Variants in NHERF2 observed in about 807,000 individuals in gnomAD.
The protein encoded by NHERF2 is NHERF family PDZ scaffold protein 2.
chr16:2,035,883 T>G, the NHERF2 span: 1 of 190,902 alleles, frequency 5.2e-6, no homozygotes, highest in Non-Finnish European at 9.9e-6. Context: ...CGGAGGCCTC[T>G]GGAGAGAAAA....
chr16:2,036,965 G>A, the NHERF2 span: 14,871 of 1,554,036 alleles, frequency 9.6e-3, 87 homozygotes, highest in Non-Finnish European at 0.011. Context: ...GTCCTCTGCC[G>A]TCACCCGTCA....
chr16:2,027,097 G>T, the NHERF2 span: 2 of 1,463,832 alleles, frequency 1.4e-6, no homozygotes, highest in South Asian at 2.6e-5. Context: ...GAGAAGGGCC[G>T]CCGCGGGCAG....
At chr16:2,037,433 G>T in the NHERF2 span, 2 of 1,110,808 alleles carry the variant, frequency 1.8e-6, no homozygotes, top group South Asian at 1.3e-5. Flanking sequence ...GCCCCCTGCC[G>T]AGTGGAGGAG....
the NHERF2 span, chr16:2,036,452 G>A: frequency 2.7e-4 from 434 of 1,603,536 alleles, no homozygotes; most frequent in Non-Finnish European, 3.0e-4. Context: ...CTGTGGACCC[G>A]GGCTCACCTG....
At chr16:2,037,848 A>C in the NHERF2 span, 1 of 1,596,008 alleles carries the variant, frequency 6.3e-7, no homozygotes, top group Non-Finnish European at 8.5e-7. Context: ...TGGAAGCAAG[A>C]TCCCTTCCAG....
chr16:2,035,801 G>A, the NHERF2 span: 2 of 534,218 alleles, frequency 3.7e-6, no homozygotes, highest in East Asian at 1.5e-4. Flanking sequence ...TGCTTGCTGG[G>A]CCCACGGGGG....
At chr16:2,038,423 T>TC in the NHERF2 span, 1 of 245,968 alleles carries the variant, frequency 4.1e-6, no homozygotes. Context: ...CCCTCCCCCT[T>TC]CCCCTCCCCC....
chr16:2,033,061 C>T, the NHERF2 span: 1 of 1,305,502 alleles, frequency 7.7e-7, no homozygotes, highest in Non-Finnish European at 9.8e-7. Flanking sequence ...CCTCCCTGTC[C>T]CCTCAGCCCT....
At chr16:2,028,971 C>T in the NHERF2 span, among the ~76,000 whole-genome samples, 8 of 152,120 alleles carry the variant, frequency 5.3e-5, no homozygotes, top group African/African-American at 7.2e-5. Flanking sequence ...TGTGGGTGCC[C>T]GAGCCAGGAG....
At chr16:2,033,726 C>T in the NHERF2 span, among the ~76,000 whole-genome samples, 245 of 152,138 alleles carry the variant, frequency 1.6e-3, no homozygotes, top group African/African-American at 4.9e-3. Flanking sequence ...GAGGGCCTGG[C>T]GGGAGGCGGC....
chr16:2,036,510 G>A, the NHERF2 span: 3 of 1,575,140 alleles, frequency 1.9e-6, no homozygotes, highest in South Asian at 1.2e-5. Flanking sequence ...TGAGGTACCG[G>A]CCCACCAGGG....
At chr16:2,036,226 C>T in the NHERF2 span, 14 of 1,263,256 alleles carry the variant, frequency 1.1e-5, no homozygotes, top group Non-Finnish European at 1.4e-5. Context: ...CCGTGGGGGG[C>T]ACGGTACCGA....
At chr16:2,036,560 G>A in the NHERF2 span, 40 of 1,533,910 alleles carry the variant, frequency 2.6e-5, no homozygotes, top group Non-Finnish European at 3.1e-5. Context: ...CCACACTGGG[G>A]CCCTGGGTCC....
At chr16:2,033,675 T>C in the NHERF2 span, among the ~76,000 whole-genome samples, 1 of 152,116 alleles carries the variant, frequency 6.6e-6, no homozygotes, top group African/African-American at 2.4e-5. Flanking sequence ...AGCTCTGTGC[T>C]GGCCGCCGGC....
the NHERF2 span, among the ~76,000 whole-genome samples, chr16:2,030,799 G>A: frequency 6.6e-6 from 1 of 152,120 alleles, no homozygotes; most frequent in East Asian, 1.9e-4. Context: ...AAATCAGTTG[G>A]GCATGGTGGG....
chr16:2,027,508 G>A, the NHERF2 span, among the ~76,000 whole-genome samples: 1 of 152,252 alleles, frequency 6.6e-6, no homozygotes, highest in Non-Finnish European at 1.5e-5. Flanking sequence ...GTGTTGGGCC[G>A]CCTGGAGCCC....
the NHERF2 span, chr16:2,037,451 TGGGG>T: frequency 9.0e-7 from 1 of 1,113,320 alleles, no homozygotes; most frequent in Non-Finnish European, 1.3e-6. Context: ...GAGCACACAC[TGGGG>T]GGGGGTGTGC....
At chr16:2,031,441 C>T in the NHERF2 span, among the ~76,000 whole-genome samples, 2 of 152,210 alleles carry the variant, frequency 1.3e-5, no homozygotes, top group East Asian at 1.9e-4. Flanking sequence ...GATTTGGACA[C>T]AAACGCATGG....
At chr16:2,030,243 G>A in the NHERF2 span, among the ~76,000 whole-genome samples, 1 of 152,204 alleles carries the variant, frequency 6.6e-6, no homozygotes, top group Non-Finnish European at 1.5e-5. Flanking sequence ...TCCACAGGCA[G>A]CGCCGTGGTT....
Sources: gnomAD v4.1 joint callset for allele counts (sites outside exome capture counted in the v4.1 genomes callset) on GRCh38, gnomAD v4.1.1 for gene constraint, MANE v1.5 for transcripts, NCBI Gene and HGNC (gene_info 2026-07-23, HGNC 2026-07-21) for gene names.